The following FMN2 variants were observed in gnomAD, a reference collection of about 807,000 sequenced individuals.
FMN2 encodes formin-2.
A neutral mutation model predicts 142.3 loss-of-function variants in FMN2; 51 were observed. That is an observed-to-expected ratio of 0.36 (90% confidence interval 0.29 to 0.45). The LOEUF (loss-of-function observed/expected upper bound fraction) is 0.45. FMN2 is among the 20% of genes least tolerant of loss of function. The probability of loss-of-function intolerance (pLI) is 1.00; values close to 1 mark genes in which losing one functional copy is unlikely to be tolerated. For missense variants in FMN2, 1,936 were observed against 2,122.8 expected, an observed-to-expected ratio of 0.91 and a Z score of 1.73; for synonymous variants, 882 against 869.8, an observed-to-expected ratio of 1.01 and a Z score of -0.25.
At chr1:240,327,289 C>T (rs917328661) in intron 8 of FMN2, among the ~76,000 whole-genome samples, 6 of 152,182 alleles carry the variant, frequency 3.9e-5, no homozygotes, top group Non-Finnish European at 5.9e-5. Flanking sequence ...GCAGATCTCT[C>T]ATCAATTCTT....
intron 4 of FMN2, among the ~76,000 whole-genome samples, chr1:240,193,197 G>T (rs181510072): frequency 1.3e-5 from 2 of 152,116 alleles, no homozygotes; most frequent in African/African-American, 4.8e-5. Context: ...ATCCAATGGG[G>T]GTCGTGGAGC....
At chr1:240,196,431 G>A (rs1035517203) in intron 4 of FMN2, among the ~76,000 whole-genome samples, 2 of 152,200 alleles carry the variant, frequency 1.3e-5, no homozygotes, top group African/African-American at 4.8e-5. Context: ...GGTTAGATAT[G>A]CAGATTCTCA....
At chr1:240,197,922 G>A (rs1393429020) in intron 4 of FMN2, among the ~76,000 whole-genome samples, 1 of 152,052 alleles carries the variant, frequency 6.6e-6, no homozygotes, top group Non-Finnish European at 1.5e-5. Flanking sequence ...ACCCACCTCA[G>A]CCTCCCAAAG....
intron 15 of FMN2, among the ~76,000 whole-genome samples, chr1:240,393,494 C>T (rs971083074): frequency 6.6e-6 from 1 of 152,072 alleles, no homozygotes; most frequent in African/African-American, 2.4e-5. Context: ...TCAGGCCTCC[C>T]CGTATTCCCT....
chr1:240,351,346 A>G (rs778330556), intron 13 of FMN2, among the ~76,000 whole-genome samples: 5 of 152,128 alleles, frequency 3.3e-5, no homozygotes, highest in Non-Finnish European at 7.3e-5. Flanking sequence ...AATGCACATG[A>G]CTTGAAACAC....
intron 14 of FMN2, among the ~76,000 whole-genome samples, chr1:240,391,513 G>C (rs563736889): frequency 1.9e-4 from 29 of 152,218 alleles, no homozygotes; most frequent in African/African-American, 6.5e-4. Flanking sequence ...ACCCAAAGAG[G>C]AATGATAATA....
At chr1:240,110,858 C>G (rs936580964) in intron 1 of FMN2, among the ~76,000 whole-genome samples, 2 of 151,992 alleles carry the variant, frequency 1.3e-5, no homozygotes, top group African/African-American at 4.8e-5. Flanking sequence ...CAAGCAGTGT[C>G]TTAAATATTA....
At chr1:240,123,749 A>T (rs2103220740) in intron 2 of FMN2, among the ~76,000 whole-genome samples, 2 of 152,316 alleles carry the variant, frequency 1.3e-5, no homozygotes, top group Middle Eastern at 6.8e-3. Flanking sequence ...TTGTGCATCC[A>T]CCACCACCAT....
chr1:240,317,541 A>G (rs1466871095), intron 8 of FMN2, among the ~76,000 whole-genome samples: 1 of 152,126 alleles, frequency 6.6e-6, no homozygotes. Context: ...TATAATTTCC[A>G]TGAGATCCAC....
intron 1 of FMN2, among the ~76,000 whole-genome samples, chr1:240,121,335 C>A (rs913835922): frequency 7.2e-5 from 11 of 151,994 alleles, no homozygotes; most frequent in Non-Finnish European, 1.3e-4. Context: ...TAGGTGGACC[C>A]AGGCCCTCTA....
At chr1:240,339,965 G>A (rs1671693681) in intron 13 of FMN2, among the ~76,000 whole-genome samples, 1 of 151,764 alleles carries the variant, frequency 6.6e-6, no homozygotes, top group South Asian at 2.1e-4. Flanking sequence ...AATTTACTGG[G>A]TAATCCTAAA....
At chr1:240,163,600 C>G (rs1006427842) in intron 2 of FMN2, among the ~76,000 whole-genome samples, 3 of 151,884 alleles carry the variant, frequency 2.0e-5, no homozygotes, top group African/African-American at 7.3e-5. Context: ...TCATTTGTAT[C>G]TTCAATAAAG....
intron 4 of FMN2, among the ~76,000 whole-genome samples, chr1:240,194,148 C>A (rs555115425): frequency 6.6e-6 from 1 of 151,238 alleles, no homozygotes; most frequent in South Asian, 2.1e-4. Flanking sequence ...AAATCTACTT[C>A]TATTTTTTAA....
chr1:240,459,802 T>C (rs1348611889), intron 16 of FMN2, among the ~76,000 whole-genome samples: 1 of 150,252 alleles, frequency 6.7e-6, no homozygotes, highest in East Asian at 2.0e-4. Flanking sequence ...AGATTTTTCA[T>C]TTTTAACCTC....
At chr1:240,115,976 G>C (rs1206476164) in intron 1 of FMN2, among the ~76,000 whole-genome samples, 1 of 152,156 alleles carries the variant, frequency 6.6e-6, no homozygotes, top group Non-Finnish European at 1.5e-5. Flanking sequence ...AGAACATACA[G>C]GGCAACTTCC....
chr1:240,175,833 G>T (rs1664890802), intron 2 of FMN2, among the ~76,000 whole-genome samples: 1 of 152,058 alleles, frequency 6.6e-6, no homozygotes, highest in Non-Finnish European at 1.5e-5. Flanking sequence ...TGTGCTTGTT[G>T]ACTATTTTGT....
chr1:240,267,218 C>T (rs1000667841), intron 7 of FMN2, among the ~76,000 whole-genome samples: 7 of 151,788 alleles, frequency 4.6e-5, no homozygotes, highest in African/African-American at 1.2e-4. Context: ...GTCTTTTATC[C>T]AGCACCTACT....
At chr1:240,453,059 A>G (rs1482898835) in intron 16 of FMN2, among the ~76,000 whole-genome samples, 1 of 152,216 alleles carries the variant, frequency 6.6e-6, no homozygotes, top group Non-Finnish European at 1.5e-5. Flanking sequence ...CTGTTTCCCC[A>G]TTTGTAAAAT....
chr1:240,206,505 T>C (rs1234826516), intron 4 of FMN2, among the ~76,000 whole-genome samples: 1 of 152,080 alleles, frequency 6.6e-6, no homozygotes. Context: ...AGAAATAAAC[T>C]GGTTTATCAC....
Sources: allele counts gnomAD v4.1 joint callset (sites outside exome capture counted in the v4.1 genomes callset), GRCh38; gene constraint gnomAD v4.1.1; transcripts MANE v1.5; gene names NCBI Gene and HGNC (gene_info 2026-07-23, HGNC 2026-07-21).